The following FRMPD2 variants were observed in gnomAD, a reference collection of about 807,000 sequenced individuals.
FRMPD2 encodes the protein FERM and PDZ domain-containing protein 2.
A neutral mutation model predicts 140.1 loss-of-function variants in FRMPD2; 96 were observed. The observed-to-expected ratio is 0.69, with a 90% CI of 0.58 to 0.81. The LOEUF (loss-of-function observed/expected upper bound fraction) is 0.81, where lower values mean the gene tolerates loss of function less well. Among genes scored for constraint, FRMPD2 ranks in the 40% least tolerant of loss-of-function variants. The pLI is 0.00. For synonymous variants in FRMPD2, 449 were observed against 547.6 expected (o/e 0.82, Z 2.52); for missense variants, 1,240 against 1,447.4 (o/e 0.86, Z 2.32).
At chr10:48,240,275 T>C in intron 6 of FRMPD2, 85 bp downstream of exon 6, 1 of 1,434,940 alleles carries the variant, frequency 7.0e-7, no homozygotes, top group South Asian at 1.2e-5. Context: ...GCCATCACAA[T>C]GTGGATGTGT....
chr10:48,223,039 G>C, intron 11 of FRMPD2, 84 bp downstream of exon 11: 1 of 1,257,660 alleles, frequency 8.0e-7, no homozygotes, highest in South Asian at 1.5e-5. Flanking sequence ...AGTTTGCAAA[G>C]CACTTGTCGA....
In FRMPD2 at chr10:48,206,968, G is replaced by C. The variant is rs202014757; in HGVS notation, c.1612-35C>G. The C allele has an allele frequency of 1.6e-5, 26 of 1,599,678 alleles. No individual in the cohort carries two copies. In the East Asian group the frequency reaches 5.1e-4, roughly 32 times the overall value. The stretch of plus-strand genomic sequence containing the variant: ...AAAAAGGCTGATTTAGAAGAGACAG[G>C]CACATGGTTTAAAATAATGGGCCTC... On this transcript the variant is annotated intron_variant, in intron 13 of 28. Transcript: ENST00000374201.
At chr10:48,227,710 A>G (rs903951093) in intron 10 of FRMPD2, among the ~76,000 whole-genome samples, 2 of 152,214 alleles carry the variant, frequency 1.3e-5, no homozygotes, top group African/African-American at 4.8e-5. Flanking sequence ...AGCCCTCATC[A>G]TGAACAACTG....
At chr10:48,274,070 C>T (rs1840814559) in intron 1 of FRMPD2, among the ~76,000 whole-genome samples, 2 of 152,186 alleles carry the variant, frequency 1.3e-5, no homozygotes, top group Admixed American at 1.3e-4. Context: ...AAAACACTTG[C>T]TTCTGAAAGA....
intron 12 of FRMPD2, among the ~76,000 whole-genome samples, chr10:48,214,797 T>C (rs1278890361): frequency 6.6e-6 from 1 of 152,196 alleles, no homozygotes; most frequent in Non-Finnish European, 1.5e-5. Flanking sequence ...ACTTACATGG[T>C]GCTACTGGGT....
At chr10:48,208,060 T>TCATCAA (rs1381941113) in intron 13 of FRMPD2, among the ~76,000 whole-genome samples, 1 of 151,206 alleles carries the variant, frequency 6.6e-6, no homozygotes, top group African/African-American at 2.4e-5. Context: ...ATCATCATTA[T>TCATCAA]CATCATCATC....
intron 26 of FRMPD2, among the ~76,000 whole-genome samples, chr10:48,169,718 G>T (rs1363601587): frequency 1.0e-5 from 1 of 98,884 alleles, no homozygotes; most frequent in Admixed American, 9.4e-5. Flanking sequence ...CTACTCACTA[G>T]ATGCCAGAAG....
chr10:48,188,486 C>A (rs1838745053), intron 16 of FRMPD2, among the ~76,000 whole-genome samples: 1 of 152,186 alleles, frequency 6.6e-6, no homozygotes, highest in Admixed American at 6.5e-5. Context: ...ACTGAGAACC[C>A]CAGGTGTCAG....
chr10:48,255,996 C>A (rs2131975141), intron 1 of FRMPD2, among the ~76,000 whole-genome samples: 1 of 152,322 alleles, frequency 6.6e-6, no homozygotes, highest in African/African-American at 2.4e-5. Flanking sequence ...GGCGTAGGAG[C>A]AGTATGAATC....
intron 12 of FRMPD2, among the ~76,000 whole-genome samples, chr10:48,219,339 C>T (rs1390453503): frequency 6.6e-6 from 1 of 151,952 alleles, no homozygotes; most frequent in Non-Finnish European, 1.5e-5. Context: ...GCTTTTGTCA[C>T]ATGACAGTGG....
intron 1 of FRMPD2, among the ~76,000 whole-genome samples, chr10:48,272,748 T>A (rs1429920780): frequency 6.6e-6 from 1 of 152,242 alleles, no homozygotes; most frequent in East Asian, 1.9e-4. Flanking sequence ...TCCATAGTTG[T>A]TACATTGTGA....
chr10:48,255,031 C>T (rs755682472), intron 1 of FRMPD2, among the ~76,000 whole-genome samples: 11 of 152,294 alleles, frequency 7.2e-5, no homozygotes, highest in African/African-American at 1.9e-4. Flanking sequence ...GATCCCACTG[C>T]GTAGAGAGAT....
intron 9 of FRMPD2, among the ~76,000 whole-genome samples, chr10:48,234,676 A>G (rs574080028): frequency 6.6e-6 from 1 of 152,244 alleles, no homozygotes; most frequent in South Asian, 2.1e-4. Flanking sequence ...AGAGGTCTAA[A>G]AAGTATTTTA....
intron 1 of FRMPD2, among the ~76,000 whole-genome samples, chr10:48,268,818 A>G (rs1714900892): frequency 6.6e-6 from 1 of 152,216 alleles, no homozygotes; most frequent in Admixed American, 6.5e-5. Context: ...AGTACTTTAC[A>G]CACATATTGT....
chr10:48,230,038 T>C lies in FRMPD2; in HGVS notation c.1168+2077A>G, dbSNP rs75418958. 8.0e-3 allele frequency among the ~76,000 whole-genome samples: 1,224 copies of C among 152,258 alleles called. 12 individuals carry two copies. Among genetic ancestry groups the C allele is most frequent in the South Asian group, 0.034 (164 of 4,820 alleles). On this transcript the variant is annotated intron_variant, in intron 10 of 28. Coordinates refer to ENST00000374201, the MANE Select transcript of FRMPD2 (RefSeq NM_001018071.4). ...AGAACAAGAATTAATTACATGAGGCTGAACGAACGGATGAAAAAGAATAAT... is the reference window on the plus strand; with the variant it reads ...AGAACAAGAATTAATTACATGAGGCCGAACGAACGGATGAAAAAGAATAAT...
intron 14 of FRMPD2, among the ~76,000 whole-genome samples, chr10:48,201,828 C>G (rs1157967235): frequency 6.6e-6 from 1 of 152,014 alleles, no homozygotes; most frequent in African/African-American, 2.4e-5. Flanking sequence ...ATATTTCTGG[C>G]TATAATGTAG....
intron 10 of FRMPD2, among the ~76,000 whole-genome samples, chr10:48,229,640 A>G (rs538997214): frequency 6.6e-6 from 1 of 152,292 alleles, no homozygotes; most frequent in Admixed American, 6.5e-5. Flanking sequence ...AAATTGTACA[A>G]AATTGCTAGA....
intron 16 of FRMPD2, among the ~76,000 whole-genome samples, chr10:48,191,972 T>C (rs1405479861): frequency 6.6e-6 from 1 of 152,236 alleles, no homozygotes; most frequent in African/African-American, 2.4e-5. Context: ...TGTGATGTGA[T>C]GAGAACAACG....
In FRMPD2 at chr10:48,187,213, G is replaced by C; in HGVS notation, c.2245C>G (p.Pro749Ala). Residue 749 changes from proline to alanine, a missense_variant, in exon 17 of 29, where the codon CCT (proline) becomes GCT (alanine). Coordinates refer to ENST00000374201, the MANE Select transcript of FRMPD2 (RefSeq NM_001018071.4). ...PMTWDSLSGP[P>A]VQSMHAGSKN... ...ATACCTGCATGCATGCTCTGAACAG[G>C]TGGTCCAGAGAGAGAGTCCCAGGTC... 1 of 1,613,502 alleles carries C rather than the reference G, an allele frequency of 6.2e-7. No homozygotes were observed. The highest frequency in any genetic ancestry group is 8.5e-7 in the Non-Finnish European group (1 of 1,179,502).
Sources: allele counts gnomAD v4.1 joint callset (sites outside exome capture counted in the v4.1 genomes callset), GRCh38; gene constraint gnomAD v4.1.1; transcripts MANE v1.5; gene names NCBI Gene and HGNC (gene_info 2026-07-23, HGNC 2026-07-21).